Variants in LRP1B observed in about 807,000 individuals in gnomAD.
LRP1B encodes the protein low-density lipoprotein receptor-related protein 1B.
In LRP1B, 217 loss-of-function variants were observed where a neutral mutation model predicts 556.6. The observed-to-expected ratio is 0.39, with a 90% CI of 0.35 to 0.44. The LOEUF (loss-of-function observed/expected upper bound fraction) is 0.44, where lower values mean the gene tolerates loss of function less well. Ranked by LOEUF, LRP1B falls within the 20% of genes least tolerant of loss-of-function variation. LRP1B has a pLI of 1.00. For synonymous variants in LRP1B, 2,047 were observed against 1,865.8 expected (o/e 1.10, Z -2.50); for missense variants, 5,053 against 5,620.8 (o/e 0.90, Z 3.23).
At chr2:141,654,944 CAATGCTGA>C (rs1360789763) in intron 2 of LRP1B, among the ~76,000 whole-genome samples, 1 of 152,018 alleles carries the variant, frequency 6.6e-6, no homozygotes, top group African/African-American at 2.4e-5. Flanking sequence ...GGGAGGTGTA[CAATGCTGA>C]AATGCTGAGG....
intron 1 of LRP1B, among the ~76,000 whole-genome samples, chr2:141,895,740 T>C (rs1292055675): frequency 1.3e-5 from 2 of 152,208 alleles, no homozygotes; most frequent in Non-Finnish European, 2.9e-5. Context: ...ATGTGCAAAA[T>C]AATGTCATTG....
intron 25 of LRP1B, among the ~76,000 whole-genome samples, chr2:140,873,209 G>A (rs182442108): frequency 2.0e-5 from 3 of 152,128 alleles, no homozygotes; most frequent in African/African-American, 7.2e-5. Context: ...ATATTATAAG[G>A]TGTCAAAATT....
At chr2:141,291,584 C>T (rs947491520) in intron 3 of LRP1B, among the ~76,000 whole-genome samples, 6 of 151,944 alleles carry the variant, frequency 3.9e-5, no homozygotes, top group South Asian at 2.1e-4. Flanking sequence ...AGGCCGGGCG[C>T]GGTGGCTCAC....
At chr2:142,016,024 A>T (rs1432815615) in intron 1 of LRP1B, among the ~76,000 whole-genome samples, 2 of 120,724 alleles carry the variant, frequency 1.7e-5, no homozygotes, top group South Asian at 2.7e-4. Context: ...TGGGTGAAGG[A>T]GATGAACAGA....
intron 3 of LRP1B, among the ~76,000 whole-genome samples, chr2:141,301,305 T>C (rs1462118419): frequency 2.0e-5 from 3 of 152,184 alleles, no homozygotes; most frequent in African/African-American, 7.2e-5. Context: ...CTTCTAGTTT[T>C]ATATCTTGAT....
At chr2:140,699,464 T>C (rs1433493372) in intron 41 of LRP1B, among the ~76,000 whole-genome samples, 1 of 151,914 alleles carries the variant, frequency 6.6e-6, no homozygotes, top group African/African-American at 2.4e-5. Context: ...TTCAAATCCA[T>C]ATTATTTGAA....
intron 1 of LRP1B, among the ~76,000 whole-genome samples, chr2:141,911,936 A>G (rs1025201502): frequency 2.0e-5 from 3 of 152,072 alleles, no homozygotes; most frequent in Admixed American, 2.0e-4. Flanking sequence ...TGAACCCCCT[A>G]CAAGCATGCA....
intron 46 of LRP1B, among the ~76,000 whole-genome samples, 180 bp from the exon 47 acceptor site, chr2:140,534,320 G>T (rs1690853478): frequency 6.6e-6 from 1 of 152,128 alleles, no homozygotes; most frequent in Non-Finnish European, 1.5e-5. Flanking sequence ...AGTTCATTCA[G>T]CAAGGGCCCT....
Position 141,015,918 on chromosome 2 carries a change from A to G in LRP1B, c.1971-3T>C. The G allele has an allele frequency of 2.5e-6, 4 of 1,610,198 alleles. No homozygotes were observed. The highest frequency in any genetic ancestry group is 3.3e-5 in the Admixed American group (2 of 59,916). On this transcript the variant is annotated splice_region_variant and splice_polypyrimidine_tract_variant and intron_variant, in intron 12 of 90. Coordinates refer to ENST00000389484, the MANE Select transcript of LRP1B (RefSeq NM_018557.3). ...CCCAGTCTGTCCAATACATCCAACTAAGACATTAAAAAAACAACAAAAATG... is the reference window on the plus strand; with the variant it reads ...CCCAGTCTGTCCAATACATCCAACTGAGACATTAAAAAAACAACAAAAATG...
At chr2:141,297,456 C>T (rs1018829937) in intron 3 of LRP1B, among the ~76,000 whole-genome samples, 5 of 152,048 alleles carry the variant, frequency 3.3e-5, no homozygotes, top group Non-Finnish European at 5.9e-5. Flanking sequence ...CAGGGAGGTA[C>T]TTGGGACAAT....
intron 41 of LRP1B, among the ~76,000 whole-genome samples, chr2:140,639,865 G>T (rs1684212019): frequency 6.6e-6 from 1 of 151,972 alleles, no homozygotes; most frequent in Non-Finnish European, 1.5e-5. Flanking sequence ...AGCCACACTG[G>T]CCCACTTGCT....
chr2:140,988,098 T>C (rs1340713189), intron 17 of LRP1B, among the ~76,000 whole-genome samples: 1 of 152,142 alleles, frequency 6.6e-6, no homozygotes, highest in Non-Finnish European at 1.5e-5. Context: ...CTAGCTAATA[T>C]GCAGGATAAT....
chr2:141,791,491 C>A (rs1353706373), intron 2 of LRP1B, among the ~76,000 whole-genome samples: 2 of 151,974 alleles, frequency 1.3e-5, no homozygotes, highest in South Asian at 2.1e-4. Context: ...TTAAATATAT[C>A]TTTTAACATT....
intron 1 of LRP1B, among the ~76,000 whole-genome samples, chr2:141,881,861 G>C (rs1028175332): frequency 1.3e-5 from 2 of 152,024 alleles, no homozygotes; most frequent in Admixed American, 1.3e-4. Context: ...AATATCAAAA[G>C]GTTAATGTAA....
At chr2:141,054,021 A>G (rs1165124924) in intron 10 of LRP1B, among the ~76,000 whole-genome samples, 1 of 152,042 alleles carries the variant, frequency 6.6e-6, no homozygotes, top group South Asian at 2.1e-4. Context: ...AGCATTTAAT[A>G]CAAAATCAGG....
intron 7 of LRP1B, among the ~76,000 whole-genome samples, chr2:141,172,616 C>A (rs1296790991): frequency 6.6e-6 from 1 of 151,948 alleles, no homozygotes. Context: ...CTATCAACAG[C>A]TTATTCACTA....
At chr2:141,537,651 G>A (rs1398457746) in intron 2 of LRP1B, among the ~76,000 whole-genome samples, 5 of 152,006 alleles carry the variant, frequency 3.3e-5, no homozygotes, top group African/African-American at 9.7e-5. Context: ...TATTTCACCG[G>A]CTTTCAGTGA....
chr2:141,946,136 C>T (rs1176291203), intron 1 of LRP1B, among the ~76,000 whole-genome samples: 2 of 151,856 alleles, frequency 1.3e-5, no homozygotes, highest in African/African-American at 4.8e-5. Flanking sequence ...ATTTTCCTAC[C>T]CAATTCTCTT....
chr2:140,249,971 C>A (rs1292227261), intron 86 of LRP1B, among the ~76,000 whole-genome samples: 1 of 151,834 alleles, frequency 6.6e-6, no homozygotes, highest in Non-Finnish European at 1.5e-5. Context: ...CATAACCATG[C>A]TGACTATAAT....
Sources: allele counts gnomAD v4.1 joint callset (sites outside exome capture counted in the v4.1 genomes callset), GRCh38; gene constraint gnomAD v4.1.1; transcripts MANE v1.5; gene names NCBI Gene and HGNC (gene_info 2026-07-23, HGNC 2026-07-21).